The following CDH12 variants were observed in gnomAD, a reference collection of about 807,000 sequenced individuals.
CDH12 encodes cadherin-12.
A neutral mutation model predicts 74.1 loss-of-function variants in CDH12; 41 were observed. The observed-to-expected ratio is 0.55, with a 90% confidence interval of 0.43 to 0.72. CDH12 has a LOEUF of 0.72. Ranked by LOEUF, CDH12 falls within the 30% of genes least tolerant of loss-of-function variation. The pLI is 0.00. For synonymous variants in CDH12, 399 were observed against 355.0 expected (o/e 1.12, Z -1.39); for missense variants, 945 against 977.2 (o/e 0.97, Z 0.44).
At chr5:22,301,210 G>T (rs927597601) in intron 3 of CDH12, among the ~76,000 whole-genome samples, 1 of 151,972 alleles carries the variant, frequency 6.6e-6, no homozygotes, top group African/African-American at 2.4e-5. Context: ...GCTGGAATAG[G>T]GTGGCTATTA....
intron 1 of CDH12, among the ~76,000 whole-genome samples, chr5:22,728,692 G>C (rs1744283419): frequency 6.6e-6 from 1 of 151,872 alleles, no homozygotes; most frequent in African/African-American, 2.4e-5. Context: ...CAAATCCAGT[G>C]TCTGTTAGGA....
chr5:22,201,438 AT>A (rs751318203), intron 4 of CDH12, among the ~76,000 whole-genome samples: 25 of 152,184 alleles, frequency 1.6e-4, no homozygotes, highest in Non-Finnish European at 2.9e-4. Context: ...CAAATACCGC[AT>A]GTTCTCACTT....
At chr5:22,850,298 A>G (rs1581061629) in intron 1 of CDH12, among the ~76,000 whole-genome samples, 2 of 152,182 alleles carry the variant, frequency 1.3e-5, no homozygotes, top group Non-Finnish European at 2.9e-5. Flanking sequence ...TGGTTATGAT[A>G]TATTACCCTC....
chr5:22,328,559 T>C (rs974335257), intron 3 of CDH12, among the ~76,000 whole-genome samples: 1 of 152,144 alleles, frequency 6.6e-6, no homozygotes, highest in African/African-American at 2.4e-5. Flanking sequence ...GCGGTATTTT[T>C]AAACACTAGG....
chr5:22,506,807 T>A (rs1736404538), intron 1 of CDH12, among the ~76,000 whole-genome samples: 1 of 152,156 alleles, frequency 6.6e-6, no homozygotes, highest in African/African-American at 2.4e-5. Flanking sequence ...TCTGTATCTA[T>A]AATTAGATAA....
chr5:22,017,147 C>T (rs915537249), intron 5 of CDH12, among the ~76,000 whole-genome samples: 1 of 151,846 alleles, frequency 6.6e-6, no homozygotes, highest in Non-Finnish European at 1.5e-5. Context: ...TTTTTCTCTC[C>T]CTCTCACCTC....
chr5:22,529,403 C>T (rs1400711691), intron 1 of CDH12, among the ~76,000 whole-genome samples: 1 of 151,782 alleles, frequency 6.6e-6, no homozygotes, highest in Non-Finnish European at 1.5e-5. Context: ...TAAATTCTGA[C>T]AGGCTCAAGA....
intron 1 of CDH12, among the ~76,000 whole-genome samples, chr5:22,702,136 A>T (rs1275427788): frequency 6.6e-6 from 1 of 152,114 alleles, no homozygotes; most frequent in East Asian, 1.9e-4. Context: ...CTATCGTAGG[A>T]TGAATGAGTT....
intron 1 of CDH12, among the ~76,000 whole-genome samples, chr5:22,521,946 A>T (rs1295141100): frequency 2.6e-5 from 4 of 152,188 alleles, no homozygotes; most frequent in African/African-American, 9.6e-5. Context: ...ATTAGCAAAA[A>T]GTTGTTGAAA....
chr5:21,811,113 T>C (rs1243771312), intron 9 of CDH12, among the ~76,000 whole-genome samples: 1 of 152,118 alleles, frequency 6.6e-6, no homozygotes, highest in African/African-American at 2.4e-5. Flanking sequence ...GGATTTAATG[T>C]GATCACACAG....
intron 2 of CDH12, among the ~76,000 whole-genome samples, chr5:22,480,225 A>G (rs1746331801): frequency 6.6e-6 from 1 of 151,588 alleles, no homozygotes; most frequent in South Asian, 2.1e-4. Flanking sequence ...TTTCAAAAAG[A>G]GTTTTGGTTT....
At chr5:22,783,803 G>C (rs1198715897) in intron 1 of CDH12, among the ~76,000 whole-genome samples, 2 of 152,224 alleles carry the variant, frequency 1.3e-5, no homozygotes, top group East Asian at 3.9e-4. Context: ...ACCACAATTT[G>C]ACAATGAGTT....
chr5:22,018,264 C>G, intron 5 of CDH12, among the ~76,000 whole-genome samples: 1 of 152,080 alleles, frequency 6.6e-6, no homozygotes, highest in East Asian at 1.9e-4. Context: ...TGAGTGCTAA[C>G]CCTAAAAAGT....
intron 6 of CDH12, among the ~76,000 whole-genome samples, chr5:21,899,508 G>A (rs1281013245): frequency 6.6e-6 from 1 of 152,150 alleles, no homozygotes; most frequent in Non-Finnish European, 1.5e-5. Flanking sequence ...ATAAAATCAA[G>A]GCTGTGGGCT....
At chr5:22,055,056 G>C (rs1422670035) in intron 5 of CDH12, among the ~76,000 whole-genome samples, 1 of 152,156 alleles carries the variant, frequency 6.6e-6, no homozygotes, top group Non-Finnish European at 1.5e-5. Flanking sequence ...CTAATATCAG[G>C]TGTGTAATCT....
intron 7 of CDH12, among the ~76,000 whole-genome samples, chr5:21,848,171 TTTACC>T (rs1196624217): frequency 6.6e-6 from 1 of 152,090 alleles, no homozygotes; most frequent in Non-Finnish European, 1.5e-5. Flanking sequence ...GTTATTAGTA[TTTACC>T]TAGGGGTATT....
chr5:22,400,148 G>A (rs1287591327), intron 3 of CDH12, among the ~76,000 whole-genome samples: 1 of 152,126 alleles, frequency 6.6e-6, no homozygotes, highest in Admixed American at 6.6e-5. Context: ...CATTCTTAGT[G>A]AATCACTGAT....
chr5:22,703,930 G>A (rs879884217), intron 1 of CDH12, among the ~76,000 whole-genome samples: 4 of 152,010 alleles, frequency 2.6e-5, no homozygotes, highest in Admixed American at 2.6e-4. Context: ...AAATAGTTAA[G>A]GTTAACATAA....
chr5:22,270,272 G>A (rs1166353832), intron 3 of CDH12, among the ~76,000 whole-genome samples: 1 of 152,108 alleles, frequency 6.6e-6, no homozygotes, highest in African/African-American at 2.4e-5. Flanking sequence ...TTGAAGTATA[G>A]TTTATGCCCT....
Sources: allele counts gnomAD v4.1 joint callset (sites outside exome capture counted in the v4.1 genomes callset), GRCh38; gene constraint gnomAD v4.1.1; transcripts MANE v1.5; gene names NCBI Gene and HGNC (gene_info 2026-07-23, HGNC 2026-07-21).